Variants in CNTN6 observed in about 807,000 individuals in gnomAD.
The protein encoded by CNTN6 is contactin-6.
In CNTN6, 137 loss-of-function variants were observed where a neutral mutation model predicts 122.8. That is an observed-to-expected ratio of 1.12 (90% CI 0.97 to 1.29). The LOEUF (loss-of-function observed/expected upper bound fraction) is 1.29. Among genes scored for constraint, CNTN6 ranks in the 50% most tolerant of loss-of-function variants. CNTN6 has a pLI of 0.00. For synonymous variants in CNTN6, 570 were observed against 426.0 expected (o/e 1.34, Z -4.16); for missense variants, 1,634 against 1,223.4 (o/e 1.34, Z -5.01).
At chr3:1,250,749 T>C (rs1240843943) in intron 4 of CNTN6, among the ~76,000 whole-genome samples, 2 of 152,130 alleles carry the variant, frequency 1.3e-5, no homozygotes, top group African/African-American at 4.8e-5. Flanking sequence ...TTTGCACACT[T>C]AAAGTTTTCC....
chr3:1,329,683 C>T, intron 10 of CNTN6, 102 bp from the exon 11 acceptor site: 1 of 928,012 alleles, frequency 1.1e-6, no homozygotes. Flanking sequence ...AAAGAGGATA[C>T]AGCTATAAAT....
chr3:1,196,950 G>T (rs901528007), intron 2 of CNTN6, among the ~76,000 whole-genome samples: 2 of 152,136 alleles, frequency 1.3e-5, no homozygotes, highest in Admixed American at 1.3e-4. Flanking sequence ...TGTGGGAGAA[G>T]AAACCTGTAG....
intron 17 of CNTN6, among the ~76,000 whole-genome samples, chr3:1,377,615 T>C (rs566367861): frequency 6.6e-6 from 1 of 152,182 alleles, no homozygotes; most frequent in Non-Finnish European, 1.5e-5. Flanking sequence ...AACTGGAGTA[T>C]AAACGTTAGA....
chr3:1,316,309 C>T (rs903616996), intron 7 of CNTN6, among the ~76,000 whole-genome samples: 1 of 151,810 alleles, frequency 6.6e-6, no homozygotes, highest in South Asian at 2.1e-4. Flanking sequence ...GGAAGCATAA[C>T]AGCTTCTGCT....
At chr3:1,403,044 G>A (rs569025893) in intron 22 of CNTN6, among the ~76,000 whole-genome samples, 1 of 152,120 alleles carries the variant, frequency 6.6e-6, no homozygotes, top group African/African-American at 2.4e-5. Context: ...CTGTGATTGA[G>A]TGCAAGTCAT....
rs72997890 is a variant in CNTN6, at chr3:1,140,564, G to A, written c.-82-7363G>A. Among the ~76,000 whole-genome samples the A allele has an allele frequency of 5.3e-5, 8 of 152,194 alleles. No homozygotes were observed. The South Asian group carries it at 1.0e-3, about 20-fold the overall frequency. On this transcript the variant is annotated intron_variant, in intron 1 of 22. Coordinates refer to ENST00000446702, the MANE Select transcript of CNTN6 (RefSeq NM_001289080.2). The stretch of plus-strand genomic sequence containing the variant: ...GTTTCTTTCAATTGTGAAATTCACT[G>A]AAAGTATGATTTTTCAGCAGTCTTA...
chr3:1,181,494 A>G (rs975421062), intron 2 of CNTN6, among the ~76,000 whole-genome samples: 2 of 152,186 alleles, frequency 1.3e-5, no homozygotes, highest in South Asian at 4.1e-4. Flanking sequence ...CAAAACAAAT[A>G]TAGCATTTGT....
chr3:1,277,513 A>T (rs1263127057), intron 4 of CNTN6, among the ~76,000 whole-genome samples: 1 of 151,574 alleles, frequency 6.6e-6, no homozygotes, highest in Non-Finnish European at 1.5e-5. Flanking sequence ...GGCGTGTGCC[A>T]CCATGCCTGG....
chr3:1,135,722 T>C (rs1284125525), intron 1 of CNTN6, among the ~76,000 whole-genome samples: 1 of 152,214 alleles, frequency 6.6e-6, no homozygotes, highest in Non-Finnish European at 1.5e-5. Context: ...CCAGGTGCAG[T>C]GGCTCACGCC....
rs911596579 is a variant in CNTN6, at chr3:1,227,958, C to A, written c.323C>A (p.Thr108Lys). ...TGCCTGGCCACCAATCTTCTGGGGACAATTCTGAGTCGGAAGGCAAAGCTC... is the reference window on the plus strand; with the variant it reads ...TGCCTGGCCACCAATCTTCTGGGGAAAATTCTGAGTCGGAAGGCAAAGCTC... ...YQCLATNLLG[T>K]ILSRKAKLQF... Residue 108 changes from threonine (T) to lysine (K), a missense_variant, in exon 4 of 23, where the codon ACA becomes AAA. Coordinates refer to ENST00000446702, the MANE Select transcript of CNTN6 (RefSeq NM_001289080.2). 6.2e-7 allele frequency: 1 copy of A among 1,613,790 alleles called. No homozygotes were observed. Among genetic ancestry groups the A allele is most frequent in the African/African-American group, 1.3e-5 (1 of 74,978 alleles).
At chr3:1,140,023 TAAC>T (rs1366690241) in intron 1 of CNTN6, among the ~76,000 whole-genome samples, 1 of 152,162 alleles carries the variant, frequency 6.6e-6, no homozygotes, top group Non-Finnish European at 1.5e-5. Flanking sequence ...TAGTTTATAT[TAAC>T]AATATCACCC....
At chr3:1,354,834 C>A (rs905132022) in intron 12 of CNTN6, among the ~76,000 whole-genome samples, 1 of 151,436 alleles carries the variant, frequency 6.6e-6, no homozygotes. Context: ...AGAAAAAAAC[C>A]AACCTTTTTA....
chr3:1,358,077 T>A (rs1471426080), intron 12 of CNTN6, among the ~76,000 whole-genome samples: 1 of 151,804 alleles, frequency 6.6e-6, no homozygotes, highest in Non-Finnish European at 1.5e-5. Flanking sequence ...CACCATAGAT[T>A]TCATTCAAAT....
chr3:1,154,429 T>TTTTTCTTTTC (rs201500881), intron 2 of CNTN6, among the ~76,000 whole-genome samples: 4 of 141,070 alleles, frequency 2.8e-5, no homozygotes, highest in East Asian at 2.3e-4. Context: ...ATTCATAATA[T>TTTTTCTTTTC]TTTTCTTTTC....
At chr3:1,382,298 T>C (rs940077519) in intron 17 of CNTN6, among the ~76,000 whole-genome samples, 2 of 152,354 alleles carry the variant, frequency 1.3e-5, no homozygotes, top group Admixed American at 6.5e-5. Context: ...TACCAATTTC[T>C]ATTTTGCTAT....
At chr3:1,403,280 A>G in intron 22 of CNTN6, 38 bp from the exon 23 acceptor site, 2 of 1,382,244 alleles carry the variant, frequency 1.4e-6, no homozygotes, top group Non-Finnish European at 2.0e-6. Flanking sequence ...GCAATACTTT[A>G]TCTCAAAATA....
chr3:1,215,506 G>T (rs11924842), intron 2 of CNTN6, among the ~76,000 whole-genome samples: 2,055 of 152,128 alleles, frequency 0.014, 43 homozygotes, highest in African/African-American at 0.042. Flanking sequence ...TAGGTTCATG[G>T]TCTCCAAATT....
intron 4 of CNTN6, among the ~76,000 whole-genome samples, chr3:1,266,063 C>A (rs1330751560): frequency 6.6e-6 from 1 of 151,890 alleles, no homozygotes; most frequent in Non-Finnish European, 1.5e-5. Context: ...CCCATACAAC[C>A]AGTGATATCT....
At chr3:1,384,666 C>T (rs1692474167) in intron 19 of CNTN6, among the ~76,000 whole-genome samples, 1 of 113,576 alleles carries the variant, frequency 8.8e-6, no homozygotes, top group South Asian at 2.8e-4. Flanking sequence ...TTAATTTTGC[C>T]TATATATATA....
Sources: allele counts gnomAD v4.1 joint callset (sites outside exome capture counted in the v4.1 genomes callset), GRCh38; gene constraint gnomAD v4.1.1; transcripts MANE v1.5; gene names NCBI Gene and HGNC (gene_info 2026-07-23, HGNC 2026-07-21).